Variants in BCL10 observed in about 807,000 individuals in gnomAD.
BCL10 encodes the protein BCL10 immune signaling adaptor.
Under a neutral mutation model 19.2 loss-of-function variants are expected in BCL10, and 5 were observed. That is an observed-to-expected ratio of 0.26 (90% CI 0.14 to 0.55). BCL10 has a LOEUF of 0.55. Ranked by LOEUF, BCL10 falls within the 20% of genes least tolerant of loss-of-function variation. The probability of loss-of-function intolerance (pLI) is 0.94; values close to 1 mark genes in which losing one functional copy is unlikely to be tolerated. For synonymous variants in BCL10, 110 were observed against 98.8 expected (o/e 1.11, Z -0.67); for missense variants, 201 against 271.9 (o/e 0.74, Z 1.83).
In BCL10 at chr1:85,270,738, G is replaced by A; in HGVS notation, c.226C>T (p.Pro76Ser). 1 of 1,613,910 alleles carries A rather than the reference G, an allele frequency of 6.2e-7. No individual in the cohort carries two copies. The highest frequency in any genetic ancestry group is 8.5e-7 in the Non-Finnish European group (1 of 1,179,982). The change falls in exon 2 of 3, where the codon CCA becomes TCA. Residue 76 changes from proline to serine, a missense_variant. By Grantham distance (74) the Pro-to-Ser change is moderately conservative. This residue lies in a region of BCL10 where 51 missense variants were observed against 118.8 expected (regional missense o/e 0.43). Coordinates refer to ENST00000648566, the MANE Select transcript of BCL10 (RefSeq NM_003921.5). Reference sequence around the variant, plus strand: ...TCAACAAGGGTGTCCAGACCTTTTGGGTTTTCCTGTAAGTAGTCTAACAAT... The same window carrying A: ...TCAACAAGGGTGTCCAGACCTTTTGAGTTTTCCTGTAAGTAGTCTAACAAT... ...GKLLDYLQEN[P>S]KGLDTLVESI... is the part of the protein sequence containing the mutation.
rs1232952545 is a variant in BCL10 at position 85,266,284 on chromosome 1, C to G, written c.*1343G>C. The G allele has an allele frequency of 5.4e-6, 1 of 185,378 alleles. No individual in the cohort carries two copies. The highest frequency in any genetic ancestry group is 2.3e-5 in the African/African-American group (1 of 42,678). 11.5% of individuals were successfully genotyped at this position (185,378 alleles called of 1,614,324 possible). ...AATTTTATTGTTGATAGCAAAATTT[C>G]CATTTCTATGTTTTTGCAATTAATA... On this transcript the variant is annotated 3_prime_UTR_variant, in exon 3 of 3. Coordinates refer to ENST00000648566, the MANE Select transcript of BCL10 (RefSeq NM_003921.5).
At chr1:85,268,638 G>A (rs1429333544) in intron 2 of BCL10, among the ~76,000 whole-genome samples, 2 of 152,024 alleles carry the variant, frequency 1.3e-5, no homozygotes, top group Admixed American at 6.6e-5. Flanking sequence ...CGTGGTGGCA[G>A]GTGCCTGCAA....
chr1:85,268,508 G>A (rs767294991), intron 2 of BCL10, among the ~76,000 whole-genome samples: 2 of 152,118 alleles, frequency 1.3e-5, no homozygotes, highest in African/African-American at 2.4e-5. Context: ...GGTGGCTCAC[G>A]CCTGTAATCC....
chr1:85,273,137 A>ACTTCATCTTTCTATGATGAAGTGT (rs1553179305), intron 1 of BCL10, among the ~76,000 whole-genome samples: 9 of 152,014 alleles, frequency 5.9e-5, no homozygotes, highest in Non-Finnish European at 1.3e-4. Context: ...TCCTTGTAGC[A>ACTTCATCTTTCTATGATGAAGTGT]CCTTGTGTAT....
rs768545878 is a variant in BCL10, at chr1:85,267,796, T to C, written c.533A>G (p.Glu178Gly). 1 of 1,614,198 alleles carries C rather than the reference T, an allele frequency of 6.2e-7. No individual in the cohort carries two copies. The highest frequency in any genetic ancestry group is 8.5e-7 in the Non-Finnish European group (1 of 1,180,026). Residue 178 changes from glutamate (E) to glycine (G), a missense_variant, in exon 3 of 3, where the codon GAA (glutamate) becomes GGA (glycine). Physicochemically the swap from Glu to Gly is moderately conservative, Grantham distance 98. Coordinates refer to ENST00000648566, the MANE Select transcript of BCL10 (RefSeq NM_003921.5). ...TNSSLNLPVLEVGRTENTIFS... is the reference protein window; with the variant it reads ...TNSSLNLPVLGVGRTENTIFS... ...GATGGTATTTTCAGTTCTGCCTACT[T>C]CTAGAACAGGCAAATTCAGAGAAGA...
intron 1 of BCL10, 73 bp downstream of exon 1, chr1:85,276,223 C>G (rs1004667481): frequency 1.3e-6 from 2 of 1,566,492 alleles, no homozygotes; most frequent in Non-Finnish European, 8.8e-7. Context: ...CCTCGGACTC[C>G]AGGCTTCCGC....
At chr1:85,269,843 T>G (rs116086118) in intron 2 of BCL10, among the ~76,000 whole-genome samples, 67 of 152,372 alleles carry the variant, frequency 4.4e-4, no homozygotes, top group Non-Finnish European at 4.4e-4. Context: ...TGCTATTCTC[T>G]TAATCTGTTT....
At chr1:85,273,725 C>G (rs985867402) in intron 1 of BCL10, among the ~76,000 whole-genome samples, 2 of 152,206 alleles carry the variant, frequency 1.3e-5, no homozygotes, top group Admixed American at 6.5e-5. Context: ...ATCTCCACTG[C>G]CTTCACCCTG....
chr1:85,276,444 GGAA>G lies in BCL10; in HGVS notation c.-95_-93del. 1.4e-6 allele frequency: 2 copies of G among 1,434,062 alleles called. No homozygotes were observed. Among genetic ancestry groups the G allele is most frequent in the South Asian group, 1.2e-5 (1 of 86,654 alleles). 88.8% of individuals were successfully genotyped at this position (1,434,062 alleles called of 1,614,324 possible). On this transcript the variant is annotated 5_prime_UTR_variant, in exon 1 of 3. Transcript: ENST00000648566. ...GGGGGCTTCGGCCTCCGGGTAATGGGGAAGAAGGAGAGGAGGCGGAGCGGGTCG... is the reference window on the plus strand; with the variant it reads ...GGGGGCTTCGGCCTCCGGGTAATGGGGAAGGAGAGGAGGCGGAGCGGGTCG...
At chr1:85,273,983 C>T (rs139081225) in intron 1 of BCL10, among the ~76,000 whole-genome samples, 8 of 152,338 alleles carry the variant, frequency 5.3e-5, no homozygotes, top group South Asian at 2.1e-4. Context: ...TGCCTTCCTC[C>T]GATTTCCCCA....
At position 85,266,892 on chromosome 1, in the gene BCL10, AAAAAAAG is replaced by A; in HGVS notation, c.*728_*734del. ...AGACTGTCTCAAAAAAAAAAAAAAA[AAAAAAAG>A]AAAAAAGGAAAAAATACCTCATCAA... On this transcript the variant is annotated 3_prime_UTR_variant, in exon 3 of 3. Transcript: ENST00000648566. 5.7e-6 allele frequency: 1 copy of A among 176,386 alleles called. No individual in the cohort carries two copies. The highest frequency in any genetic ancestry group is 1.2e-5 in the Non-Finnish European group (1 of 82,400). The allele number at this position is 176,386 out of a possible 1,614,324, so 10.9% of individuals were successfully genotyped here.
At position 85,276,612 on chromosome 1, in the gene BCL10, G is replaced by C. The variant is rs542676262; in HGVS notation, c.-260C>G. ...CTCGGAGCAGCGTTCCTTCCCTCTC[G>C]TAGAGGCTCAGGCGCAGGCACCGCC... On this transcript the variant is annotated 5_prime_UTR_variant, in exon 1 of 3. Transcript: ENST00000648566. 7.7e-5 allele frequency: 44 copies of C among 569,100 alleles called. No homozygotes were observed. The highest frequency in any genetic ancestry group is 1.3e-4 in the Non-Finnish European group (42 of 318,088). The allele number at this position is 569,100 out of a possible 1,614,324, so 35.3% of individuals were successfully genotyped here. A position where few individuals can be genotyped will look rare whatever the true frequency, so the allele number is the denominator to read the frequency against.
intron 2 of BCL10, 92 bp downstream of exon 2, chr1:85,270,526 G>T: frequency 8.8e-7 from 1 of 1,140,324 alleles, no homozygotes; most frequent in Non-Finnish European, 1.2e-6. Flanking sequence ...CTCCTGCCTT[G>T]GCCTCCTAAA....
Position 85,267,416 on chromosome 1 carries a change from T to C in BCL10, c.*211A>G. 4.4e-6 allele frequency: 2 copies of C among 453,776 alleles called. No individual in the cohort carries two copies. Among genetic ancestry groups the C allele is most frequent in the Admixed American group, 3.9e-5 (1 of 25,872 alleles). The allele number at this position is 453,776 out of a possible 1,614,324, so 28.1% of individuals were successfully genotyped here. On this transcript the variant is annotated 3_prime_UTR_variant, in exon 3 of 3. Coordinates refer to ENST00000648566, the MANE Select transcript of BCL10 (RefSeq NM_003921.5). ...AGACCTTAAAAAGGAAAAAAAGAAA[T>C]TACTAAAAAGTACATGATCAACATG...
At chr1:85,271,943 G>T (rs1429811807) in intron 1 of BCL10, among the ~76,000 whole-genome samples, 1 of 152,152 alleles carries the variant, frequency 6.6e-6, no homozygotes, top group Non-Finnish European at 1.5e-5. Context: ...TGAGCACTGA[G>T]TATACAAAGA....
At chr1:85,274,036 A>G (rs1660439546) in intron 1 of BCL10, among the ~76,000 whole-genome samples, 1 of 152,154 alleles carries the variant, frequency 6.6e-6, no homozygotes, top group African/African-American at 2.4e-5. Context: ...GACAAATTCT[A>G]TTCTGCCCAG....
chr1:85,266,452 C>T lies in BCL10; in HGVS notation c.*1175G>A, dbSNP rs1400675397. 1 of 191,628 alleles carries T rather than the reference C, an allele frequency of 5.2e-6. No individual in the cohort carries two copies. The highest frequency in any genetic ancestry group is 2.3e-5 in the African/African-American group (1 of 42,938). 11.9% of individuals were successfully genotyped at this position (191,628 alleles called of 1,614,324 possible). A position where few individuals can be genotyped will look rare whatever the true frequency, so the allele number is the denominator to read the frequency against. On this transcript the variant is annotated 3_prime_UTR_variant, in exon 3 of 3. Transcript: ENST00000648566. ...CAAAAAGACAAATCTGGCTAATGGCCCACTTGTTCAAATAGCATTAAAAAC... is the reference window on the plus strand; with the variant it reads ...CAAAAAGACAAATCTGGCTAATGGCTCACTTGTTCAAATAGCATTAAAAAC...
chr1:85,276,445 G>T lies in BCL10; in HGVS notation c.-93C>A. On this transcript the variant is annotated 5_prime_UTR_variant, in exon 1 of 3. Coordinates refer to ENST00000648566, the MANE Select transcript of BCL10 (RefSeq NM_003921.5). Reference sequence around the variant, plus strand: ...GGGGCTTCGGCCTCCGGGTAATGGGGAAGAAGGAGAGGAGGCGGAGCGGGT... The same window carrying T: ...GGGGCTTCGGCCTCCGGGTAATGGGTAAGAAGGAGAGGAGGCGGAGCGGGT... The T allele has an allele frequency of 1.4e-6, 2 of 1,425,232 alleles. No homozygotes were observed. The highest frequency in any genetic ancestry group is 2.0e-6 in the Non-Finnish European group (2 of 1,015,264). 88.3% of individuals were successfully genotyped at this position (1,425,232 alleles called of 1,614,324 possible).
At position 85,265,884 on chromosome 1, in the gene BCL10, A is replaced by C. The variant is rs1660176764; in HGVS notation, c.*1743T>G. Among the ~76,000 whole-genome samples the C allele has an allele frequency of 6.6e-6, 1 of 152,194 alleles. No individual in the cohort carries two copies. Among genetic ancestry groups the C allele is most frequent in the Non-Finnish European group, 1.5e-5 (1 of 68,022 alleles). The stretch of plus-strand genomic sequence containing the variant: ...GGTGTTATTGTATATCTAAATTATA[A>C]TCTTTGATTCAATTTTTAAAAAGGT... On this transcript the variant is annotated 3_prime_UTR_variant, in exon 3 of 3. Transcript: ENST00000648566.
Sources: allele counts gnomAD v4.1 joint callset (sites outside exome capture counted in the v4.1 genomes callset), GRCh38; gene constraint gnomAD v4.1.1; regional missense constraint gnomAD v4.1.1; transcripts MANE v1.5; gene names NCBI Gene and HGNC (gene_info 2026-07-23, HGNC 2026-07-21).